EXT2: variants seen among roughly 807,000 people sequenced by gnomAD.
EXT2 encodes the protein exostosin glycosyltransferase 2.
Under a neutral mutation model 81.6 loss-of-function variants are expected in EXT2, and 53 were observed. The observed-to-expected ratio is 0.65, with a 90% CI of 0.52 to 0.82. The LOEUF (loss-of-function observed/expected upper bound fraction) is 0.82. EXT2 is among the 40% of genes least tolerant of loss of function. The pLI, the probability that EXT2 is intolerant of heterozygous loss-of-function variation, is 0.00. For synonymous variants in EXT2, 320 were observed against 340.0 expected (o/e 0.94, Z 0.65); for missense variants, 774 against 910.2 (o/e 0.85, Z 1.93).
intron 7 of EXT2, among the ~76,000 whole-genome samples, chr11:44,130,705 T>C (rs1435340511): frequency 6.6e-6 from 1 of 152,262 alleles, no homozygotes; most frequent in African/African-American, 2.4e-5. Context: ...TGCTTCCGTT[T>C]CTTTGTCCTG....
intron 13 of EXT2, among the ~76,000 whole-genome samples, chr11:44,240,068 A>G (rs1215329301): frequency 6.6e-6 from 1 of 152,098 alleles, no homozygotes; most frequent in Non-Finnish European, 1.5e-5. Context: ...GACATGAAAA[A>G]ACTCTGTACA....
At chr11:44,242,567 G>A (rs751686480) in intron 13 of EXT2, among the ~76,000 whole-genome samples, 2 of 152,136 alleles carry the variant, frequency 1.3e-5, no homozygotes, top group Non-Finnish European at 2.9e-5. Flanking sequence ...CCTTGGGCAA[G>A]TTACTTAACC....
chr11:44,137,208 G>A (rs1954583696), intron 7 of EXT2, among the ~76,000 whole-genome samples: 1 of 152,162 alleles, frequency 6.6e-6, no homozygotes, highest in African/African-American at 2.4e-5. Context: ...CTGATGATGG[G>A]AAGCCAAGAA....
At chr11:44,105,393 GTGAC>G (rs1366041730) in intron 1 of EXT2, among the ~76,000 whole-genome samples, 2 of 152,180 alleles carry the variant, frequency 1.3e-5, no homozygotes, top group African/African-American at 4.8e-5. Flanking sequence ...CCAGGTTTAA[GTGAC>G]TGTCTTGCCT....
intron 3 of EXT2, among the ~76,000 whole-genome samples, chr11:44,113,711 G>A (rs1462252684): frequency 1.3e-5 from 2 of 152,152 alleles, no homozygotes; most frequent in Non-Finnish European, 2.9e-5. Flanking sequence ...GGGTGTAAGC[G>A]ATGTGAAATG....
chr11:44,147,129 C>G (rs891651068), intron 7 of EXT2, among the ~76,000 whole-genome samples: 11 of 152,302 alleles, frequency 7.2e-5, no homozygotes, highest in Admixed American at 2.6e-4. Context: ...GATCAACCCG[C>G]CCCAGCACAT....
chr11:44,195,484 G>A lies in EXT2; in HGVS notation c.1306-2345G>A, dbSNP rs375091034. ...GCGTTTCCTATTGTGTCTCTTGGTT[G>A]TGAAATCTAATTATAGCATGTTGTG... On this transcript the variant is annotated intron_variant, in intron 8 of 13. Transcript: ENST00000533608. Among the ~76,000 whole-genome samples, 37 of 152,122 alleles carry A rather than the reference G, an allele frequency of 2.4e-4. 1 individual carries two copies. In the East Asian group the frequency reaches 3.9e-3, roughly 16 times the overall value.
Position 44,218,793 on chromosome 11 carries a change from C to CTTTT in EXT2, c.1662+11853_1662+11856dup, listed in dbSNP as rs11368525. On this transcript the variant is annotated intron_variant, in intron 10 of 13. Transcript: ENST00000533608. ...GTAAGAGATTATAGAATCTGCAATT[C>CTTTT]TTTTTTTTTTTTTTTTTTTTTTGAG... 2.3e-3 allele frequency among the ~76,000 whole-genome samples: 215 copies of CTTTT among 92,266 alleles called. 4 individuals carry two copies. The highest frequency in any genetic ancestry group is 4.2e-3 in the East Asian group (12 of 2,888). 60.5% of individuals were successfully genotyped at this position (92,266 alleles called of 152,430 possible).
chr11:44,174,709 T>G (rs1955132319), intron 8 of EXT2, among the ~76,000 whole-genome samples: 1 of 152,200 alleles, frequency 6.6e-6, no homozygotes, highest in South Asian at 2.1e-4. Context: ...ATTTGAAACT[T>G]TTATTTTTTC....
At chr11:44,197,102 CTG>C (rs1293292636) in intron 8 of EXT2, among the ~76,000 whole-genome samples, 2 of 152,220 alleles carry the variant, frequency 1.3e-5, no homozygotes, top group African/African-American at 2.4e-5. Context: ...TTCCTCTCCT[CTG>C]TGCCTGTATT....
At chr11:44,171,944 AGT>A in intron 8 of EXT2, 1 of 696,966 alleles carries the variant, frequency 1.4e-6, no homozygotes, top group Admixed American at 2.3e-5. Flanking sequence ...AGCAGCTTCC[AGT>A]GTGTTTTAAG....
At chr11:44,165,120 C>G (rs537801088) in intron 7 of EXT2, among the ~76,000 whole-genome samples, 1 of 152,058 alleles carries the variant, frequency 6.6e-6, no homozygotes, top group African/African-American at 2.4e-5. Flanking sequence ...CCTCGTGATC[C>G]GCCCGCCTCG....
intron 8 of EXT2, among the ~76,000 whole-genome samples, chr11:44,186,718 C>A (rs1333856883): frequency 6.6e-6 from 1 of 152,188 alleles, no homozygotes; most frequent in Non-Finnish European, 1.5e-5. Context: ...TCCTAAACTG[C>A]ACGTTTCAAT....
At position 44,231,253 on chromosome 11, in the gene EXT2, C is replaced by T. The variant is rs115841734; in HGVS notation, c.1663-1100C>T. On this transcript the variant is annotated intron_variant, in intron 10 of 13. Coordinates refer to ENST00000533608, the MANE Select transcript of EXT2 (RefSeq NM_207122.2). ...AGATAGAAGAAGAGCCAGCAGTACT[C>T]GCTAATGGATTGAACATGAGGAAAG... Among the ~76,000 whole-genome samples, 1,164 of 152,014 alleles carry T rather than the reference C, an allele frequency of 7.7e-3. 13 individuals carry two copies. The highest frequency in any genetic ancestry group is 0.026 in the African/African-American group (1,073 of 41,464).
intron 4 of EXT2, among the ~76,000 whole-genome samples, chr11:44,118,315 A>G (rs1954251235): frequency 6.6e-6 from 1 of 152,084 alleles, no homozygotes; most frequent in South Asian, 2.1e-4. Context: ...TATTTGAAAC[A>G]TTAGAAGCTT....
intron 4 of EXT2, among the ~76,000 whole-genome samples, 187 bp downstream of exon 4, chr11:44,114,488 A>C (rs917958882): frequency 6.6e-6 from 1 of 152,152 alleles, no homozygotes; most frequent in Non-Finnish European, 1.5e-5. Flanking sequence ...CTGTCTCCTT[A>C]AATTCACAGT....
At chr11:44,239,732 A>C (rs1175006157) in intron 13 of EXT2, among the ~76,000 whole-genome samples, 1 of 75,508 alleles carries the variant, frequency 1.3e-5, no homozygotes, top group Non-Finnish European at 2.4e-5. Context: ...CCAGAGTTTT[A>C]TTATTACTCA....
intron 7 of EXT2, among the ~76,000 whole-genome samples, chr11:44,166,118 T>C (rs181345159): frequency 1.1e-4 from 16 of 152,304 alleles, no homozygotes; most frequent in African/African-American, 3.4e-4. Context: ...TCCAAGGAAC[T>C]CACAGTCTAG....
At chr11:44,097,751 T>C (rs1372467966) in intron 1 of EXT2, among the ~76,000 whole-genome samples, 2 of 123,640 alleles carry the variant, frequency 1.6e-5, no homozygotes, top group Non-Finnish European at 3.2e-5. Flanking sequence ...AGAGCAAGAC[T>C]CCATCTCAAA....
Sources: allele counts gnomAD v4.1 joint callset (sites outside exome capture counted in the v4.1 genomes callset), GRCh38; gene constraint gnomAD v4.1.1; transcripts MANE v1.5; gene names NCBI Gene and HGNC (gene_info 2026-07-23, HGNC 2026-07-21).